PNLIPRP1: variants seen among roughly 807,000 people sequenced by gnomAD.
PNLIPRP1 encodes the protein pancreatic lipase related protein 1.
PNLIPRP1 carries 57 observed loss-of-function variants against 54.6 expected under a neutral mutation model. The ratio of observed to expected loss-of-function variants is 1.04; its 90% CI spans 0.84 to 1.30. PNLIPRP1 has a LOEUF of 1.30. Ranked by LOEUF, PNLIPRP1 falls within the 50% of genes most tolerant of loss-of-function variation. PNLIPRP1 has a pLI of 0.00. For missense variants in PNLIPRP1, 567 were observed against 568.5 expected, an observed-to-expected ratio of 1.00 and a Z score of 0.03; for synonymous variants, 232 against 208.8, an observed-to-expected ratio of 1.11 and a Z score of -0.96.
intron 12 of PNLIPRP1, among the ~76,000 whole-genome samples, chr10:116,608,244 A>G (rs1847970695): frequency 6.6e-6 from 1 of 152,170 alleles, no homozygotes. Context: ...TAAGGTTATT[A>G]AAAAATATGA....
intron 9 of PNLIPRP1, among the ~76,000 whole-genome samples, chr10:116,600,843 C>A (rs1304362476): frequency 6.6e-6 from 1 of 152,204 alleles, no homozygotes; most frequent in Admixed American, 6.5e-5. Flanking sequence ...AACCTGGGTC[C>A]TGGGCATCAG....
chr10:116,594,676 A>G, intron 4 of PNLIPRP1, 54 bp from the exon 5 acceptor site: 1 of 1,604,062 alleles, frequency 6.2e-7, no homozygotes, highest in Non-Finnish European at 8.5e-7. Flanking sequence ...CTGGCTGGAT[A>G]AGGTTTCCCC....
At chr10:116,602,016 A>ATTT (rs58771473) in intron 10 of PNLIPRP1, among the ~76,000 whole-genome samples, 12 of 138,094 alleles carry the variant, frequency 8.7e-5, no homozygotes, top group Non-Finnish European at 1.2e-4. Flanking sequence ...TCACTCTGTA[A>ATTT]TTTTTTTTTT....
intron 4 of PNLIPRP1, 97 bp from the exon 5 acceptor site, chr10:116,594,633 C>A: frequency 7.6e-7 from 1 of 1,315,346 alleles, no homozygotes; most frequent in Non-Finnish European, 1.1e-6. Flanking sequence ...CATGCCCTAG[C>A]TAGGAGAAGA....
At chr10:116,600,565 A>G (rs1305580119) in intron 9 of PNLIPRP1, 1 of 179,538 alleles carries the variant, frequency 5.6e-6, no homozygotes, top group Admixed American at 5.4e-5. Flanking sequence ...AGCAAGGTGG[A>G]TGCTGGAGTC....
At chr10:116,602,016 A>AT (rs58771473) in intron 10 of PNLIPRP1, among the ~76,000 whole-genome samples, 46,786 of 138,010 alleles carry the variant, frequency 0.34, 8,211 homozygotes, top group Non-Finnish European at 0.37. Flanking sequence ...TCACTCTGTA[A>AT]TTTTTTTTTT....
At chr10:116,591,429 T>G (rs1847633852) in intron 2 of PNLIPRP1, among the ~76,000 whole-genome samples, 1 of 152,198 alleles carries the variant, frequency 6.6e-6, no homozygotes, top group Non-Finnish European at 1.5e-5. Context: ...GCATGAAACA[T>G]CTGCCTGAGT....
At chr10:116,603,428 G>T (rs2915756) in intron 10 of PNLIPRP1, among the ~76,000 whole-genome samples, 102,386 of 152,052 alleles carry the variant, frequency 0.67, 34,907 homozygotes, top group East Asian at 0.89. Flanking sequence ...GCAACACAGC[G>T]AATGAGTTTG....
chr10:116,601,022 TCATA>T lies in PNLIPRP1; in HGVS notation c.934-47_934-44del, dbSNP rs1564738621. 1.9e-6 allele frequency: 3 copies of T among 1,547,066 alleles called. No individual in the cohort carries two copies. In the South Asian group the frequency reaches 3.6e-5, roughly 19 times the overall value. On this transcript the variant is annotated intron_variant, in intron 9 of 12. Transcript: ENST00000358834. Reference sequence around the variant, plus strand: ...GTGTCTGCCCTCTCAGATGTATCGATCATACAAACACAAATTCTCCTTACAGTCC... The same window carrying T: ...GTGTCTGCCCTCTCAGATGTATCGATCAAACACAAATTCTCCTTACAGTCC...
At chr10:116,606,683 A>G (rs1473294158) in intron 12 of PNLIPRP1, among the ~76,000 whole-genome samples, 1 of 152,154 alleles carries the variant, frequency 6.6e-6, no homozygotes, top group African/African-American at 2.4e-5. Flanking sequence ...AAGGCATACA[A>G]GTCCAAATCA....
chr10:116,607,558 C>A (rs1280383816), intron 12 of PNLIPRP1, among the ~76,000 whole-genome samples: 19 of 152,226 alleles, frequency 1.2e-4, no homozygotes, highest in African/African-American at 4.6e-4. Flanking sequence ...GGTCCAAGTG[C>A]ATGAGGGGCG....
At chr10:116,596,454 T>C (rs2133231526) in intron 6 of PNLIPRP1, 132 bp downstream of exon 6, 1 of 594,666 alleles carries the variant, frequency 1.7e-6, no homozygotes, top group South Asian at 2.4e-5. Context: ...GCTTGGAGCC[T>C]GCACAGAACA....
intron 3 of PNLIPRP1, 47 bp from the exon 4 acceptor site, chr10:116,592,369 G>A (rs1262480410): frequency 5.2e-6 from 8 of 1,544,638 alleles, no homozygotes; most frequent in Non-Finnish European, 7.0e-6. Flanking sequence ...AAAAAGGCCT[G>A]TGAGGCTGGG....
At chr10:116,600,278 G>A in intron 9 of PNLIPRP1, 113 bp downstream of exon 9, 1 of 750,388 alleles carries the variant, frequency 1.3e-6, no homozygotes, top group Non-Finnish European at 2.4e-6. Context: ...TTGACCCTCA[G>A]AGTTCATGGT....
chr10:116,592,646 T>G (rs1554863403), intron 4 of PNLIPRP1, 105 bp downstream of exon 4: 2 of 1,381,122 alleles, frequency 1.4e-6, no homozygotes, highest in Admixed American at 3.5e-5. Flanking sequence ...TAGGTAACTT[T>G]ATGCAATTAA....
At chr10:116,603,265 T>A (rs1449188648) in intron 10 of PNLIPRP1, among the ~76,000 whole-genome samples, 1 of 152,096 alleles carries the variant, frequency 6.6e-6, no homozygotes, top group Non-Finnish European at 1.5e-5. Flanking sequence ...ACTCCCGAGC[T>A]ACCTTCCCAA....
intron 4 of PNLIPRP1, chr10:116,594,311 T>C (rs781907410): frequency 3.9e-6 from 2 of 513,934 alleles, no homozygotes; most frequent in Non-Finnish European, 7.8e-6. Context: ...TCTCTCACTT[T>C]CCAGCAGCCT....
At position 116,601,190 on chromosome 10, in the gene PNLIPRP1, G is replaced by C; in HGVS notation, c.1052G>C (p.Ser351Thr). The C allele has an allele frequency of 6.2e-7, 1 of 1,612,756 alleles. No individual in the cohort carries two copies. The highest frequency in any genetic ancestry group is 8.5e-7 in the Non-Finnish European group (1 of 1,179,666). ...QKFFLNTGEASNFARWRYGVS... is the reference protein window; with the variant it reads ...QKFFLNTGEATNFARWRYGVS... The stretch of plus-strand genomic sequence containing the variant: ...TTCTTCTTGAACACAGGAGAGGCTA[G>C]CAATTTCGCTCGTAAGTTGCACTTT... The change falls in exon 10 of 13, where the codon AGC becomes ACC. Residue 351 changes from serine to threonine, a missense_variant. Transcript: ENST00000358834.
chr10:116,598,006 C>G lies in PNLIPRP1; in HGVS notation c.695-41C>G, dbSNP rs199981969. ...ACAACTGTGTTTTAACCATGAAAGTCCTGCATGACAAAAAGCTCATTGTTT... is the reference window on the plus strand; with the variant it reads ...ACAACTGTGTTTTAACCATGAAAGTGCTGCATGACAAAAAGCTCATTGTTT... On this transcript the variant is annotated intron_variant, in intron 7 of 12. Coordinates refer to ENST00000358834, the MANE Select transcript of PNLIPRP1 (RefSeq NM_006229.4). 3.7e-6 allele frequency: 6 copies of G among 1,613,842 alleles called. No individual in the cohort carries two copies. The Admixed American group carries it at 1.0e-4, about 27-fold the overall frequency.
Sources: allele counts gnomAD v4.1 joint callset (sites outside exome capture counted in the v4.1 genomes callset), GRCh38; gene constraint gnomAD v4.1.1; transcripts MANE v1.5; gene names NCBI Gene and HGNC (gene_info 2026-07-23, HGNC 2026-07-21).